Variants in ANXA7 observed in about 807,000 individuals in gnomAD.
The protein encoded by ANXA7 is annexin A7.
Under a neutral mutation model 64.9 loss-of-function variants are expected in ANXA7, and 55 were observed. The observed-to-expected ratio is 0.85, with a 90% CI of 0.68 to 1.06. ANXA7 has a LOEUF of 1.06. ANXA7 is among the 50% of genes least tolerant of loss of function. ANXA7 has a pLI of 0.00. For missense variants in ANXA7, 548 were observed against 582.1 expected, an observed-to-expected ratio of 0.94 and a Z score of 0.60; for synonymous variants, 200 against 192.4, an observed-to-expected ratio of 1.04 and a Z score of -0.33.
chr10:73,392,407 A>C (rs925349826), intron 5 of ANXA7, among the ~76,000 whole-genome samples: 1 of 152,224 alleles, frequency 6.6e-6, no homozygotes, highest in Non-Finnish European at 1.5e-5. Flanking sequence ...AAAAAAGAGA[A>C]TTTTAGACCA....
intron 1 of ANXA7, among the ~76,000 whole-genome samples, chr10:73,406,709 A>G (rs1182996423): frequency 1.3e-5 from 2 of 152,030 alleles, no homozygotes; most frequent in Non-Finnish European, 2.9e-5. Context: ...AGCTAAGACT[A>G]CAGGTGCACA....
chr10:73,398,275 T>G lies in ANXA7; in HGVS notation c.165A>C (p.Pro55=). 3.1e-6 allele frequency: 5 copies of G among 1,614,054 alleles called. No individual in the cohort carries two copies. The highest frequency in any genetic ancestry group is 4.2e-6 in the Non-Finnish European group (5 of 1,180,016). ...AYPQVPSSGY[P]GAGGYPAPGG... ...CAGGCGCAGGGTAGCCTCCAGCTCCTGGGTAGCCACTACTTGGCACTTGTG... is the reference window on the plus strand; with the variant it reads ...CAGGCGCAGGGTAGCCTCCAGCTCCGGGGTAGCCACTACTTGGCACTTGTG... The change falls in exon 3 of 13, where the codon CCA becomes CCC. Residue 55 remains proline (P), a synonymous_variant. Coordinates refer to ENST00000372921, the MANE Select transcript of ANXA7 (RefSeq NM_001156.5).
In ANXA7 at chr10:73,384,362, G is replaced by T. The variant is rs553942548; in HGVS notation, c.634-672C>A. On this transcript the variant is annotated intron_variant, in intron 7 of 12. Transcript: ENST00000372921. ...TAAAAGGAACTGTTCTTGGTTCTAT[G>T]AGGAAGTAGAAACCATTATCATCTT... Among the ~76,000 whole-genome samples the T allele has an allele frequency of 3.9e-5, 6 of 152,224 alleles. No homozygotes were observed. In the South Asian group the frequency reaches 1.2e-3, roughly 32 times the overall value.
At chr10:73,410,714 G>A (rs558725072) in intron 1 of ANXA7, among the ~76,000 whole-genome samples, 182 of 151,606 alleles carry the variant, frequency 1.2e-3, no homozygotes, top group Non-Finnish European at 2.0e-3. Flanking sequence ...TCCGGGAGGC[G>A]GAGGTTGGGG....
intron 12 of ANXA7, among the ~76,000 whole-genome samples, chr10:73,378,496 T>C (rs2055223192): frequency 6.6e-6 from 1 of 151,914 alleles, no homozygotes; most frequent in African/African-American, 2.4e-5. Context: ...CTTGAGACAA[T>C]TATGAATATT....
chr10:73,413,995 G>C lies in ANXA7; in HGVS notation c.-2+17C>G, dbSNP rs1049898650. ...AGGCAGACGAGGTGGGAAAGGGAGG[G>C]GGGCGCCGCTCCTCACCTGACCCCA... On this transcript the variant is annotated intron_variant, in intron 1 of 12. Coordinates refer to ENST00000372921, the MANE Select transcript of ANXA7 (RefSeq NM_001156.5). 6.6e-6 allele frequency: 1 copy of C among 152,524 alleles called. No individual in the cohort carries two copies. The highest frequency in any genetic ancestry group is 1.5e-5 in the Non-Finnish European group (1 of 68,280). The allele number at this position is 152,524 out of a possible 1,614,324, so 9.4% of individuals were successfully genotyped here. A position where few individuals can be genotyped will look rare whatever the true frequency, so the allele number is the denominator to read the frequency against.
chr10:73,376,539 G>A (rs2055173946), intron 12 of ANXA7, among the ~76,000 whole-genome samples: 1 of 152,164 alleles, frequency 6.6e-6, no homozygotes, highest in Admixed American at 6.5e-5. Context: ...GCCATGAAAT[G>A]GGAACACTTG....
In ANXA7 at chr10:73,398,303, T is replaced by G. The variant is rs1310817745; in HGVS notation, c.137A>C (p.Tyr46Ser). The change falls in exon 3 of 13, where the codon TAC (tyrosine) becomes TCC (serine). Residue 46 changes from tyrosine to serine, a missense_variant. Tyr to Ser is a moderately radical substitution (Grantham distance 144). Transcript: ENST00000372921. Reference protein sequence around the residue: ...SGFPPMGGGAYPQVPSSGYPG... With the variant: ...SGFPPMGGGASPQVPSSGYPG... ...GTAGCCACTACTTGGCACTTGTGGG[T>G]AGGCACCTCCTCCCATTGGAGGAAA... 4.3e-6 allele frequency: 7 copies of G among 1,613,952 alleles called. No homozygotes were observed. The South Asian group carries it at 7.7e-5, about 18-fold the overall frequency.
intron 1 of ANXA7, among the ~76,000 whole-genome samples, chr10:73,405,627 T>C (rs1477413889): frequency 6.6e-6 from 1 of 152,230 alleles, no homozygotes; most frequent in Non-Finnish European, 1.5e-5. Flanking sequence ...AATCACTTTT[T>C]TGGCATCTAC....
intron 1 of ANXA7, among the ~76,000 whole-genome samples, chr10:73,411,908 C>T (rs1485984262): frequency 1.3e-5 from 2 of 151,298 alleles, no homozygotes; most frequent in Non-Finnish European, 2.9e-5. Flanking sequence ...GCATAGTGTG[C>T]TGCCATTATG....
chr10:73,399,175 C>T (rs1487270786), intron 2 of ANXA7, among the ~76,000 whole-genome samples: 2 of 152,170 alleles, frequency 1.3e-5, no homozygotes, highest in Non-Finnish European at 2.9e-5. Flanking sequence ...AAGGAAGGAG[C>T]CTGGAAACCC....
chr10:73,376,289 T>G, intron 12 of ANXA7, 72 bp from the exon 13 acceptor site: 1 of 1,387,446 alleles, frequency 7.2e-7, no homozygotes, highest in Non-Finnish European at 9.6e-7. Flanking sequence ...TCTTTTTAAA[T>G]AATAAGATCT....
rs1051844154 is a variant in ANXA7, at chr10:73,398,352, C to T, written c.88G>A (p.Gly30Ser). Reference protein sequence around the residue: ...AGQESSFPPSGQYPYPSGFPP... With the variant: ...AGQESSFPPSSQYPYPSGFPP... ...AAGCCACTAGGATAAGGATACTGAC[C>T]AGAAGGGGGAAAAGATGACTCCTGA... Residue 30 changes from glycine (G) to serine (S), a missense_variant, in exon 3 of 13, where the codon GGT becomes AGT. Transcript: ENST00000372921. 1.2e-6 allele frequency: 2 copies of T among 1,613,922 alleles called. No individual in the cohort carries two copies. Among genetic ancestry groups the T allele is most frequent in the Non-Finnish European group, 1.7e-6 (2 of 1,179,954 alleles).
intron 1 of ANXA7, among the ~76,000 whole-genome samples, chr10:73,406,965 C>A (rs369593172): frequency 2.0e-5 from 3 of 152,180 alleles, no homozygotes; most frequent in East Asian, 3.8e-4. Flanking sequence ...TTTGCTTAAG[C>A]CATTCTTATC....
intron 5 of ANXA7, among the ~76,000 whole-genome samples, chr10:73,389,148 C>T (rs1210868253): frequency 1.3e-5 from 2 of 152,148 alleles, no homozygotes; most frequent in African/African-American, 4.8e-5. Context: ...ACTGGGGGCA[C>T]AAAATCATTT....
intron 3 of ANXA7, among the ~76,000 whole-genome samples, chr10:73,397,706 C>A (rs1010165597): frequency 5.9e-5 from 9 of 152,202 alleles, no homozygotes; most frequent in Non-Finnish European, 7.3e-5. Flanking sequence ...GATCCACCCA[C>A]CTCAACCTCC....
rs2055590845 is a variant in ANXA7 at position 73,397,255 on chromosome 10, A to G, written c.279T>C (p.Phe93=). ...SYPGVPPGQG[F]GVPPGGAGFS... ...AGCCTGCTCCACCTGGTGGGACTCC[A>G]AATCCTTGGCCTGGAGGAACTAGAG... Residue 93 remains phenylalanine, a synonymous_variant, in exon 4 of 13, where the codon TTT becomes TTC. Coordinates refer to ENST00000372921, the MANE Select transcript of ANXA7 (RefSeq NM_001156.5). 2 of 1,612,362 alleles carry G rather than the reference A, an allele frequency of 1.2e-6. No homozygotes were observed. The highest frequency in any genetic ancestry group is 1.7e-6 in the Non-Finnish European group (2 of 1,178,934).
At position 73,376,179 on chromosome 10, in the gene ANXA7, C is replaced by T; in HGVS notation, c.1317G>A (p.Met439Ile). Residue 439 changes from methionine (M) to isoleucine (I), a missense_variant, in exon 13 of 13, where the codon ATG (methionine) becomes ATA (isoleucine). By Grantham distance (10) the Met-to-Ile change is conservative (BLOSUM62 1). Coordinates refer to ENST00000372921, the MANE Select transcript of ANXA7 (RefSeq NM_001156.5). ...TCATTGTGCCCAGAGTCTTCTGATA[C>T]ATCTGAGCGAACATCTGTTTTATTT... Reference protein sequence around the residue: ...LVQIKQMFAQMYQKTLGTMIA... With the variant: ...LVQIKQMFAQIYQKTLGTMIA... 6.2e-7 allele frequency: 1 copy of T among 1,601,312 alleles called. No homozygotes were observed. Among genetic ancestry groups the T allele is most frequent in the Non-Finnish European group, 8.5e-7 (1 of 1,174,180 alleles).
chr10:73,397,303 T>A, intron 3 of ANXA7, 29 bp from the exon 4 acceptor site: 1 of 1,443,680 alleles, frequency 6.9e-7, no homozygotes. Context: ...CAATAAACTA[T>A]AGTACAGTTC....
Sources: allele counts gnomAD v4.1 joint callset (sites outside exome capture counted in the v4.1 genomes callset), GRCh38; gene constraint gnomAD v4.1.1; transcripts MANE v1.5; gene names NCBI Gene and HGNC (gene_info 2026-07-23, HGNC 2026-07-21).